GAB2: variants seen among roughly 807,000 people sequenced by gnomAD.
GAB2 encodes the protein GRB2 associated binding protein 2.
A neutral mutation model predicts 65.5 loss-of-function variants in GAB2; 26 were observed. The ratio of observed to expected loss-of-function variants is 0.40; its 90% CI spans 0.29 to 0.55. GAB2 has a LOEUF of 0.55. Ranked by LOEUF, GAB2 falls within the 20% of genes least tolerant of loss-of-function variation. The pLI, the probability that GAB2 is intolerant of heterozygous loss-of-function variation, is 0.53. For synonymous variants in GAB2, 321 were observed against 329.6 expected, an observed-to-expected ratio of 0.97 and a Z score of 0.28; for missense variants, 884 against 875.8, an observed-to-expected ratio of 1.01 and a Z score of -0.12.
chr11:78,223,537 G>C lies in GAB2; in HGVS notation c.1442C>G (p.Pro481Arg). The change falls in exon 6 of 10, where the codon CCA (proline) becomes CGA (arginine). Residue 481 changes from proline (P) to arginine (R), a missense_variant. Physicochemically the swap from Pro to Arg is moderately radical, Grantham distance 103. Transcript: ENST00000361507. ...NSQSVYIPMS[P>R]GAHHFDSLGY... ...AAGTGAGTCAAAGTGATGGGCCCCT[G>C]GGCTCATTGGGATGTAGACGCTCTG... is the stretch of plus-strand genomic sequence containing the variant. 6.2e-7 allele frequency: 1 copy of C among 1,613,666 alleles called. No homozygotes were observed. The highest frequency in any genetic ancestry group is 8.5e-7 in the Non-Finnish European group (1 of 1,179,812).
intron 1 of GAB2, among the ~76,000 whole-genome samples, chr11:78,288,920 T>C (rs1866567752): frequency 6.6e-6 from 1 of 152,220 alleles, no homozygotes; most frequent in Non-Finnish European, 1.5e-5. Context: ...TTAAGACTTA[T>C]TATATAGCTA....
chr11:78,342,050 T>G (rs1223702881), intron 1 of GAB2, among the ~76,000 whole-genome samples: 1 of 152,228 alleles, frequency 6.6e-6, no homozygotes, highest in Non-Finnish European at 1.5e-5. Context: ...ATGAAATTAT[T>G]TATCTCCACC....
intron 1 of GAB2, 22 bp downstream of exon 1, chr11:78,417,612 CCGCCCGCCCCTG>C: frequency 1.6e-6 from 2 of 1,245,064 alleles, no homozygotes; most frequent in Non-Finnish European, 2.1e-6. Context: ...GGAGCGCCCC[CCGCCCGCCCCTG>C]GGCGGCCGCG....
At chr11:78,294,959 A>G (rs1304490628) in intron 1 of GAB2, among the ~76,000 whole-genome samples, 1 of 152,224 alleles carries the variant, frequency 6.6e-6, no homozygotes, top group Non-Finnish European at 1.5e-5. Flanking sequence ...GGCAACCTAC[A>G]GAATGGGAGA....
At chr11:78,298,202 T>C (rs1274640593) in intron 1 of GAB2, among the ~76,000 whole-genome samples, 2 of 152,158 alleles carry the variant, frequency 1.3e-5, no homozygotes, top group East Asian at 1.9e-4. Context: ...GGTATATACA[T>C]TGAAGAGGGC....
chr11:78,383,257 A>C lies in GAB2; in HGVS notation c.75+34389T>G, dbSNP rs184336888. ...ATTGCACTCCAGACTGGGCAACAAG[A>C]GCAAAACTCCGTCTCAAAAAAGAAA... On this transcript the variant is annotated intron_variant, in intron 1 of 9. Coordinates refer to ENST00000361507, the MANE Select transcript of GAB2 (RefSeq NM_080491.3). Among the ~76,000 whole-genome samples, 20 of 151,836 alleles carry C rather than the reference A, an allele frequency of 1.3e-4. No homozygotes were observed. The East Asian group carries it at 3.9e-3, about 30-fold the overall frequency.
intron 1 of GAB2, among the ~76,000 whole-genome samples, chr11:78,405,248 G>A (rs1211547416): frequency 6.6e-6 from 1 of 151,976 alleles, no homozygotes; most frequent in East Asian, 1.9e-4. Context: ...ACAGGTGCCT[G>A]CCACCACACC....
At chr11:78,310,513 CA>C (rs11285625) in intron 1 of GAB2, among the ~76,000 whole-genome samples, 21,185 of 74,584 alleles carry the variant, frequency 0.28, 1,220 homozygotes, top group East Asian at 0.44. Flanking sequence ...GACTCTGTCT[CA>C]AAAAAAAAAA....
intron 1 of GAB2, among the ~76,000 whole-genome samples, chr11:78,298,371 A>G (rs1035465435): frequency 1.3e-5 from 2 of 152,202 alleles, no homozygotes; most frequent in Non-Finnish European, 2.9e-5. Context: ...GAAGAGAATC[A>G]CAGTCACATC....
chr11:78,292,828 A>T (rs1318695255), intron 1 of GAB2, among the ~76,000 whole-genome samples: 1 of 152,196 alleles, frequency 6.6e-6, no homozygotes, highest in African/African-American at 2.4e-5. Context: ...GCTACCTGCC[A>T]TGTGCTTTCT....
intron 1 of GAB2, among the ~76,000 whole-genome samples, chr11:78,389,470 C>G (rs1856807271): frequency 6.6e-6 from 1 of 152,138 alleles, no homozygotes; most frequent in African/African-American, 2.4e-5. Context: ...CCACACCCAG[C>G]TAATTTTTTG....
At chr11:78,396,595 C>T (rs969971200) in intron 1 of GAB2, among the ~76,000 whole-genome samples, 5 of 152,022 alleles carry the variant, frequency 3.3e-5, no homozygotes, top group South Asian at 2.1e-4. Flanking sequence ...TTTTGTGATG[C>T]GGAAATATTT....
At chr11:78,409,613 T>A (rs753316621) in intron 1 of GAB2, among the ~76,000 whole-genome samples, 59 of 151,848 alleles carry the variant, frequency 3.9e-4, no homozygotes, top group Non-Finnish European at 6.6e-4. Flanking sequence ...AAATAAAATA[T>A]GTGAAACAAA....
intron 1 of GAB2, among the ~76,000 whole-genome samples, chr11:78,356,450 T>G (rs1048463045): frequency 6.6e-6 from 1 of 152,208 alleles, no homozygotes; most frequent in African/African-American, 2.4e-5. Flanking sequence ...ACCTCAAGAA[T>G]CAAAACATGC....
intron 1 of GAB2, among the ~76,000 whole-genome samples, chr11:78,324,266 T>C (rs763493122): frequency 6.6e-6 from 1 of 152,144 alleles, no homozygotes; most frequent in Non-Finnish European, 1.5e-5. Context: ...TAACACAAGC[T>C]CCCTTCGGTA....
In GAB2 at chr11:78,280,601, C is replaced by G. The variant is rs1333057038; in HGVS notation, c.376G>C (p.Asp126His). The G allele has an allele frequency of 6.2e-7, 1 of 1,611,846 alleles. No homozygotes were observed. The highest frequency in any genetic ancestry group is 1.1e-5 in the South Asian group (1 of 90,826). Residue 126 changes from aspartate to histidine, a missense_variant and splice_region_variant, in exon 2 of 10, where the codon GAC becomes CAC. By Grantham distance (81) the Asp-to-His change is moderately conservative. Transcript: ENST00000361507. ...GAAAGATCTGTGTGCGTTCTCATACCTGTGCTCTCCTCAGCCTGATTGAAG... is the reference window on the plus strand; with the variant it reads ...GAAAGATCTGTGTGCGTTCTCATACGTGTGCTCTCCTCAGCCTGATTGAAG... ...CGFNQAEEST[D>H]SLRNVSSAGH...
Position 78,237,727 on chromosome 11 carries a change from G to A in GAB2, c.621-10676C>T, listed in dbSNP as rs538680705. Among the ~76,000 whole-genome samples the A allele has an allele frequency of 2.0e-5, 3 of 152,322 alleles. No homozygotes were observed. In the South Asian group the frequency reaches 6.2e-4, roughly 32 times the overall value. ...GAAAAAAAAGATAATGTAAGTGATT[G>A]TTGGGTCAGTATCAAGTGGTCTAGT... On this transcript the variant is annotated intron_variant, in intron 3 of 9. Coordinates refer to ENST00000361507, the MANE Select transcript of GAB2 (RefSeq NM_080491.3).
chr11:78,265,203 C>T (rs937117816), intron 2 of GAB2, among the ~76,000 whole-genome samples: 12 of 144,842 alleles, frequency 8.3e-5, no homozygotes, highest in Non-Finnish European at 1.7e-4. Context: ...TTCTATACCA[C>T]ATATATATAT....
intron 1 of GAB2, among the ~76,000 whole-genome samples, chr11:78,313,261 A>G (rs1304531587): frequency 6.6e-6 from 1 of 152,038 alleles, no homozygotes; most frequent in East Asian, 1.9e-4. Context: ...TGCCAGATAA[A>G]CAGCGTTACC....
Sources: allele counts gnomAD v4.1 joint callset (sites outside exome capture counted in the v4.1 genomes callset), GRCh38; gene constraint gnomAD v4.1.1; transcripts MANE v1.5; gene names NCBI Gene and HGNC (gene_info 2026-07-23, HGNC 2026-07-21).